The following NRXN3 variants were observed in gnomAD, a reference collection of about 807,000 sequenced individuals.
The protein encoded by NRXN3 is neurexin 3.
In NRXN3, 32 loss-of-function variants were observed where a neutral mutation model predicts 137.6. The ratio of observed to expected loss-of-function variants is 0.23; its 90% CI spans 0.18 to 0.31. The LOEUF is 0.31. Ranked by LOEUF, NRXN3 falls within the 10% of genes least tolerant of loss-of-function variation. The probability of loss-of-function intolerance (pLI) is 1.00; values close to 1 mark genes in which losing one functional copy is unlikely to be tolerated. For missense variants in NRXN3, 1,574 were observed against 2,062.5 expected, an observed-to-expected ratio of 0.76 and a Z score of 4.59; for synonymous variants, 798 against 784.5, an observed-to-expected ratio of 1.02 and a Z score of -0.29.
At chr14:79,691,779 G>A (rs1014413609) in intron 17 of NRXN3, among the ~76,000 whole-genome samples, 1 of 152,032 alleles carries the variant, frequency 6.6e-6, no homozygotes, top group African/African-American at 2.4e-5. Flanking sequence ...TGACTGTGGA[G>A]CGAGGGTCCC....
At chr14:78,934,057 CAAA>C (rs1478156249) in intron 10 of NRXN3, among the ~76,000 whole-genome samples, 1 of 146,628 alleles carries the variant, frequency 6.8e-6, no homozygotes, top group East Asian at 2.1e-4. Context: ...TTTATGCTAT[CAAA>C]GATTTACTGC....
intron 10 of NRXN3, among the ~76,000 whole-genome samples, chr14:78,889,880 C>G (rs576416308): frequency 4.1e-4 from 62 of 152,116 alleles, no homozygotes; most frequent in African/African-American, 1.5e-3. Context: ...TGAGATCATC[C>G]TGGATTGTAC....
At chr14:78,837,810 TAC>T (rs2152430668) in intron 10 of NRXN3, among the ~76,000 whole-genome samples, 1 of 152,316 alleles carries the variant, frequency 6.6e-6, no homozygotes, top group East Asian at 1.9e-4. Flanking sequence ...TATGCCACAT[TAC>T]AGTGTTCCAG....
At chr14:79,170,667 C>T (rs1347749875) in intron 15 of NRXN3, among the ~76,000 whole-genome samples, 2 of 152,050 alleles carry the variant, frequency 1.3e-5, no homozygotes, top group African/African-American at 4.8e-5. Flanking sequence ...GGAATTGTCT[C>T]GACTTTTCCC....
At chr14:78,427,118 T>C (rs1184981676) in intron 4 of NRXN3, among the ~76,000 whole-genome samples, 1 of 152,078 alleles carries the variant, frequency 6.6e-6, no homozygotes, top group Admixed American at 6.5e-5. Context: ...AGGAGTTCCT[T>C]AGGAGGCAGC....
intron 15 of NRXN3, among the ~76,000 whole-genome samples, chr14:79,096,656 C>T (rs915758768): frequency 2.0e-5 from 3 of 152,024 alleles, no homozygotes; most frequent in African/African-American, 7.2e-5. Context: ...ACTTGGCTCT[C>T]ACCAGCATTC....
At chr14:79,658,651 G>A (rs2098518230) in intron 16 of NRXN3, among the ~76,000 whole-genome samples, 1 of 152,140 alleles carries the variant, frequency 6.6e-6, no homozygotes, top group African/African-American at 2.4e-5. Context: ...GGTAAACAGT[G>A]CCGCTCATTA....
At chr14:78,288,246 C>T (rs1279858292) in intron 3 of NRXN3, among the ~76,000 whole-genome samples, 3 of 152,182 alleles carry the variant, frequency 2.0e-5, no homozygotes, top group Non-Finnish European at 4.4e-5. Flanking sequence ...TCCAAAAGTG[C>T]TGGGATTACA....
At chr14:78,986,004 G>A (rs764471170) in intron 14 of NRXN3, among the ~76,000 whole-genome samples, 16 of 152,126 alleles carry the variant, frequency 1.1e-4, no homozygotes, top group Non-Finnish European at 2.2e-4. Context: ...TATCCTCATA[G>A]CATTGTCTTA....
At chr14:79,384,735 A>G (rs770685836) in intron 15 of NRXN3, among the ~76,000 whole-genome samples, 14 of 152,306 alleles carry the variant, frequency 9.2e-5, no homozygotes, top group Non-Finnish European at 1.8e-4. Flanking sequence ...ATGTTCACCT[A>G]CACTCAATCT....
At chr14:79,316,731 T>A (rs1164555121) in intron 15 of NRXN3, among the ~76,000 whole-genome samples, 1 of 27,594 alleles carries the variant, frequency 3.6e-5, no homozygotes, top group African/African-American at 8.4e-5. Flanking sequence ...GTCCTGTCCC[T>A]CTCTCTCTCT....
intron 19 of NRXN3, among the ~76,000 whole-genome samples, chr14:79,765,280 G>A (rs2099052151): frequency 6.6e-6 from 1 of 152,198 alleles, no homozygotes; most frequent in African/African-American, 2.4e-5. Context: ...AGACCAATGG[G>A]TGAGTATAAT....
intron 15 of NRXN3, among the ~76,000 whole-genome samples, chr14:79,086,412 AG>A (rs2048116847): frequency 6.6e-6 from 1 of 152,152 alleles, no homozygotes. Context: ...TCTTGAGAGT[AG>A]GTTTTAATCT....
chr14:79,255,645 A>G (rs1184431075), intron 15 of NRXN3, among the ~76,000 whole-genome samples: 1 of 152,238 alleles, frequency 6.6e-6, no homozygotes, highest in Admixed American at 6.5e-5. Flanking sequence ...CATCCTTATT[A>G]TCCATTGCTT....
chr14:79,332,059 TG>T (rs1416702459), intron 15 of NRXN3, among the ~76,000 whole-genome samples: 1 of 152,234 alleles, frequency 6.6e-6, no homozygotes, highest in Non-Finnish European at 1.5e-5. Context: ...GCTCTCAGCA[TG>T]GTTGCCTTCA....
At chr14:79,137,506 T>C (rs1463151104) in intron 15 of NRXN3, among the ~76,000 whole-genome samples, 1 of 152,154 alleles carries the variant, frequency 6.6e-6, no homozygotes, top group African/African-American at 2.4e-5. Flanking sequence ...CTTCAAACAA[T>C]ATTAAAATCC....
intron 15 of NRXN3, among the ~76,000 whole-genome samples, chr14:79,040,403 T>C (rs2099623208): frequency 6.6e-6 from 1 of 152,200 alleles, no homozygotes; most frequent in Admixed American, 6.5e-5. Flanking sequence ...ATGTTGTGGC[T>C]ACAAAGAAAA....
At chr14:78,521,770 A>C (rs2096287774) in intron 4 of NRXN3, among the ~76,000 whole-genome samples, 1 of 152,200 alleles carries the variant, frequency 6.6e-6, no homozygotes, top group Non-Finnish European at 1.5e-5. Flanking sequence ...AGTAGAGCTT[A>C]TCTGTATATC....
intron 17 of NRXN3, among the ~76,000 whole-genome samples, chr14:79,685,077 G>A (rs2098689417): frequency 6.6e-6 from 1 of 152,124 alleles, no homozygotes; most frequent in Non-Finnish European, 1.5e-5. Context: ...AAGGATATTT[G>A]AAAATATTTG....
Sources: gnomAD v4.1 joint callset for allele counts (sites outside exome capture counted in the v4.1 genomes callset) on GRCh38, gnomAD v4.1.1 for gene constraint, MANE v1.5 for transcripts, NCBI Gene and HGNC (gene_info 2026-07-23, HGNC 2026-07-21) for gene names.